Variants in DNAJC15 observed in about 807,000 individuals in gnomAD.
DNAJC15 encodes the protein DnaJ heat shock protein family (Hsp40) member C15.
In DNAJC15, 27 loss-of-function variants were observed where a neutral mutation model predicts 22.4. That is an observed-to-expected ratio of 1.20 (90% CI 0.89 to 1.66). The LOEUF (loss-of-function observed/expected upper bound fraction) is 1.66, where lower values mean the gene tolerates loss of function less well. DNAJC15 is among the 40% of genes most tolerant of loss of function. DNAJC15 has a pLI of 0.00. For synonymous variants in DNAJC15, 79 were observed against 63.2 expected, an observed-to-expected ratio of 1.25 and a Z score of -1.19; for missense variants, 208 against 187.1, an observed-to-expected ratio of 1.11 and a Z score of -0.65.
In DNAJC15 at chr13:43,028,614, C is replaced by G. The variant is rs17064056; in HGVS notation, c.108+4880C>G. Among the ~76,000 whole-genome samples the G allele has an allele frequency of 0.013, 1,917 of 152,160 alleles. 22 individuals are homozygous for G. In the East Asian group the frequency reaches 0.17, roughly 14 times the overall value. On this transcript the variant is annotated intron_variant, in intron 1 of 5. Transcript: ENST00000379221. ...TACACAGGACTCTTCATGTACTGATCCTTAAATGACATATCCAGCCACATT... is the reference window on the plus strand; with the variant it reads ...TACACAGGACTCTTCATGTACTGATGCTTAAATGACATATCCAGCCACATT...
Position 43,112,001 on chromosome 13 carries a change from CATTTTT to C in DNAJC15, c.*4756_*4761del, listed in dbSNP as rs1036269065. 1 of 152,226 alleles carries C rather than the reference CATTTTT, an allele frequency of 6.6e-6. No individual in the cohort carries two copies. Among genetic ancestry groups the C allele is most frequent in the African/African-American group, 2.4e-5 (1 of 41,454 alleles). 9.4% of individuals were successfully genotyped at this position (152,226 alleles called of 1,614,324 possible). A position where few individuals can be genotyped will look rare whatever the true frequency, so the allele number is the denominator to read the frequency against. The stretch of plus-strand genomic sequence containing the variant: ...AAAAGTTGAGAAGGTTCTCTGGACT[CATTTTT>C]ATAGGTGGAACCTAAGTGATCTGGA... On this transcript the variant is annotated 3_prime_UTR_variant, in exon 6 of 6. Coordinates refer to ENST00000379221, the MANE Select transcript of DNAJC15 (RefSeq NM_013238.3).
In DNAJC15 at chr13:43,113,869, C is replaced by T. The variant is rs987974286; in HGVS notation, c.*6621C>T. ...TTGTACAGTGCAGTGCTGAAGAAAG[C>T]AGCAGGTACACACAGAAATGCAGCC... On this transcript the variant is annotated 3_prime_UTR_variant, in exon 6 of 6. Transcript: ENST00000379221. 2.6e-5 allele frequency: 4 copies of T among 152,224 alleles called. No individual in the cohort carries two copies. Among genetic ancestry groups the T allele is most frequent in the African/African-American group, 9.6e-5 (4 of 41,456 alleles). 9.4% of individuals were successfully genotyped at this position (152,224 alleles called of 1,614,324 possible).
intron 5 of DNAJC15, among the ~76,000 whole-genome samples, chr13:43,092,931 T>G (rs2153441905): frequency 6.6e-6 from 1 of 152,272 alleles, no homozygotes; most frequent in East Asian, 1.9e-4. Flanking sequence ...ACAAAACTGT[T>G]TCTTTAGTGA....
chr13:43,026,448 C>T (rs988523559), intron 1 of DNAJC15, among the ~76,000 whole-genome samples: 1 of 152,198 alleles, frequency 6.6e-6, no homozygotes, highest in Non-Finnish European at 1.5e-5. Context: ...CAGGGCCTCA[C>T]GTACTTTCAG....
At chr13:43,098,387 C>T (rs1033284839) in intron 5 of DNAJC15, among the ~76,000 whole-genome samples, 1 of 152,120 alleles carries the variant, frequency 6.6e-6, no homozygotes, top group African/African-American at 2.4e-5. Flanking sequence ...TTGAAAACTA[C>T]TAGAGAGCAA....
In DNAJC15 at chr13:43,112,188, T is replaced by C. The variant is rs1409801676; in HGVS notation, c.*4940T>C. The C allele has an allele frequency of 1.3e-5, 2 of 152,238 alleles. No homozygotes were observed. Among genetic ancestry groups the C allele is most frequent in the African/African-American group, 4.8e-5 (2 of 41,460 alleles). The allele number at this position is 152,238 out of a possible 1,614,324, so 9.4% of individuals were successfully genotyped here. ...AAGAATTTATAAAAAGCTCTTTCTT[T>C]TGTATTAAAAACCCTGCTCAATTGA... On this transcript the variant is annotated 3_prime_UTR_variant, in exon 6 of 6. Coordinates refer to ENST00000379221, the MANE Select transcript of DNAJC15 (RefSeq NM_013238.3).
At chr13:43,095,232 TGA>T (rs1418614919) in intron 5 of DNAJC15, among the ~76,000 whole-genome samples, 1 of 152,174 alleles carries the variant, frequency 6.6e-6, no homozygotes, top group Non-Finnish European at 1.5e-5. Context: ...AAAGTGAATT[TGA>T]GATATGTTTT....
intron 1 of DNAJC15, among the ~76,000 whole-genome samples, chr13:43,059,322 T>A (rs1428482787): frequency 6.6e-6 from 1 of 152,140 alleles, no homozygotes; most frequent in African/African-American, 2.4e-5. Context: ...GCTCTAGGAG[T>A]TGAAGATTGA....
chr13:43,061,710 A>C (rs182154962), intron 1 of DNAJC15, among the ~76,000 whole-genome samples: 3 of 152,246 alleles, frequency 2.0e-5, no homozygotes, highest in African/African-American at 7.2e-5. Flanking sequence ...TTGTATTCAG[A>C]GCGAGAACTC....
At chr13:43,083,989 A>G (rs2057529) in intron 4 of DNAJC15, among the ~76,000 whole-genome samples, 81,463 of 152,024 alleles carry the variant, frequency 0.54, 21,939 homozygotes, top group South Asian at 0.64. Context: ...TTGGTGATCT[A>G]TCACTTACCC....
At chr13:43,073,495 G>A (rs767979733) in intron 3 of DNAJC15, among the ~76,000 whole-genome samples, 1 of 148,996 alleles carries the variant, frequency 6.7e-6, no homozygotes, top group East Asian at 2.0e-4. Context: ...GGCATGACAG[G>A]TACCTGGCCT....
At position 43,078,642 on chromosome 13, in the gene DNAJC15, G is replaced by A. The variant is rs773788954; in HGVS notation, c.265G>A (p.Glu89Lys). ...SFSSYYKGGFEQKMSRREAGL... is the reference protein window; with the variant it reads ...SFSSYYKGGFKQKMSRREAGL... ...TTCATCCTACTATAAAGGAGGATTT[G>A]AACAGAAAATGAGTAGGCGAGAAGC... is the stretch of plus-strand genomic sequence containing the variant. The change falls in exon 4 of 6, where the codon GAA (glutamate) becomes AAA (lysine). Residue 89 changes from glutamate (E) to lysine (K), a missense_variant. Coordinates refer to ENST00000379221, the MANE Select transcript of DNAJC15 (RefSeq NM_013238.3). The A allele has an allele frequency of 6.2e-7, 1 of 1,613,548 alleles. No homozygotes were observed. Among genetic ancestry groups the A allele is most frequent in the South Asian group, 1.1e-5 (1 of 91,010 alleles).
chr13:43,083,298 G>A (rs2040672395), intron 4 of DNAJC15, among the ~76,000 whole-genome samples: 1 of 152,016 alleles, frequency 6.6e-6, no homozygotes, highest in Non-Finnish European at 1.5e-5. Flanking sequence ...CTCCCGAGTA[G>A]CTGGGACCAC....
At chr13:43,068,017 AC>A (rs1566208960) in intron 2 of DNAJC15, among the ~76,000 whole-genome samples, 1 of 152,168 alleles carries the variant, frequency 6.6e-6, no homozygotes, top group African/African-American at 2.4e-5. Context: ...GCACAGAATA[AC>A]AGTATACATA....
chr13:43,040,545 G>A (rs563226760), intron 1 of DNAJC15, among the ~76,000 whole-genome samples: 27 of 152,154 alleles, frequency 1.8e-4, no homozygotes, highest in Non-Finnish European at 3.7e-4. Context: ...TATTCTATAT[G>A]AAGGGGTGGT....
At chr13:43,030,460 CAT>C (rs1294101237) in intron 1 of DNAJC15, among the ~76,000 whole-genome samples, 1 of 152,174 alleles carries the variant, frequency 6.6e-6, no homozygotes, top group Admixed American at 6.5e-5. Flanking sequence ...AGACTGAACA[CAT>C]AGACAATAAA....
intron 1 of DNAJC15, among the ~76,000 whole-genome samples, chr13:43,044,972 T>C (rs2040469625): frequency 1.3e-5 from 2 of 152,178 alleles, no homozygotes; most frequent in African/African-American, 4.8e-5. Context: ...AGAATTTTAA[T>C]TGAAATAATC....
At position 43,030,068 on chromosome 13, in the gene DNAJC15, A is replaced by G. The variant is rs1305596549; in HGVS notation, c.108+6334A>G. On this transcript the variant is annotated intron_variant, in intron 1 of 5. Transcript: ENST00000379221. ...GTCAGGAGAGGCCTAAAATGTCAGT[A>G]TCTAATAAATATGTGTATAATCAGA... Among the ~76,000 whole-genome samples, 3 of 152,230 alleles carry G rather than the reference A, an allele frequency of 2.0e-5. No individual in the cohort carries two copies. In the East Asian group the frequency reaches 5.8e-4, roughly 29 times the overall value.
At chr13:43,046,761 G>A (rs1273211817) in intron 1 of DNAJC15, among the ~76,000 whole-genome samples, 1 of 152,126 alleles carries the variant, frequency 6.6e-6, no homozygotes, top group Non-Finnish European at 1.5e-5. Context: ...TACGGTTCGA[G>A]CTGAGCTTTT....
Sources: gnomAD v4.1 joint callset for allele counts (sites outside exome capture counted in the v4.1 genomes callset) on GRCh38, gnomAD v4.1.1 for gene constraint, MANE v1.5 for transcripts, NCBI Gene and HGNC (gene_info 2026-07-23, HGNC 2026-07-21) for gene names.